LRRC28: variants seen among roughly 807,000 people sequenced by gnomAD.
The protein encoded by LRRC28 is leucine rich repeat containing 28, also known as leucine-rich repeat-containing protein 28.
A neutral mutation model predicts 45.7 loss-of-function variants in LRRC28; 39 were observed. The ratio of observed to expected loss-of-function variants is 0.85; its 90% CI spans 0.66 to 1.12. LRRC28 has a LOEUF of 1.12. LRRC28 is among the 50% of genes most tolerant of loss of function. The probability of loss-of-function intolerance (pLI) is 0.00; values close to 1 mark genes in which losing one functional copy is unlikely to be tolerated. For missense variants in LRRC28, 435 were observed against 438.5 expected (o/e 0.99, Z 0.07); for synonymous variants, 206 against 178.8 (o/e 1.15, Z -1.22).
intron 5 of LRRC28, among the ~76,000 whole-genome samples, chr15:99,297,837 C>A (rs755406524): frequency 2.6e-4 from 40 of 151,928 alleles, no homozygotes; most frequent in Admixed American, 1.2e-3. Context: ...TATTTACAAA[C>A]TTTTACAAGC....
intron 5 of LRRC28, among the ~76,000 whole-genome samples, chr15:99,312,058 A>T (rs1230359878): frequency 6.6e-6 from 1 of 152,194 alleles, no homozygotes; most frequent in African/African-American, 2.4e-5. Context: ...ATAGCTAAAA[A>T]ATTAATAAAG....
intron 5 of LRRC28, among the ~76,000 whole-genome samples, chr15:99,321,227 A>G (rs1955784021): frequency 1.3e-5 from 2 of 152,296 alleles, no homozygotes; most frequent in South Asian, 2.1e-4. Flanking sequence ...GAATGAACAC[A>G]TATCATTGGA....
chr15:99,277,823 T>C lies in LRRC28; in HGVS notation c.209+1207T>C, dbSNP rs191237817. Among the ~76,000 whole-genome samples the C allele has an allele frequency of 1.9e-4, 29 of 152,306 alleles. No individual in the cohort carries two copies. In the East Asian group the frequency reaches 5.0e-3, roughly 26 times the overall value. On this transcript the variant is annotated intron_variant, in intron 3 of 9. Coordinates refer to ENST00000301981, the MANE Select transcript of LRRC28 (RefSeq NM_144598.5). ...TGTATTTCTAGGAACAAAGATGTCT[T>C]TCCATCTTTTTAGTCTACTTTTGCA...
At position 99,282,177 on chromosome 15, in the gene LRRC28, G is replaced by GTTTTTTTTTTTTTTTTTTTTTTTT. The variant is rs766338889; in HGVS notation, c.210-5066_210-5065insTTTTTTTTTTTTTTTTTTTTTTTT. Reference sequence around the variant, plus strand: ...GGATTCCTTATGCAAATTTTTGGAGGTTTTTTTTTTTTTTGTAGCAGTAGC... The same window carrying GTTTTTTTTTTTTTTTTTTTTTTTT: ...GGATTCCTTATGCAAATTTTTGGAGGTTTTTTTTTTTTTTTTTTTTTTTTTTTTTTTTTTTTTTGTAGCAGTAGC... On this transcript the variant is annotated intron_variant, in intron 3 of 9. Transcript: ENST00000301981. 6.1e-3 allele frequency among the ~76,000 whole-genome samples: 599 copies of GTTTTTTTTTTTTTTTTTTTTTTTT among 97,886 alleles called. 72 individuals are homozygous for GTTTTTTTTTTTTTTTTTTTTTTTT. The highest frequency in any genetic ancestry group is 0.015 in the African/African-American group (305 of 20,734). The allele number at this position is 97,886 out of a possible 152,430, so 64.2% of individuals were successfully genotyped here.
chr15:99,386,622 G>C lies in LRRC28; in HGVS notation c.*520G>C, dbSNP rs896146470. 2 of 152,962 alleles carry C rather than the reference G, an allele frequency of 1.3e-5. No homozygotes were observed. Among genetic ancestry groups the C allele is most frequent in the East Asian group, 1.9e-4 (1 of 5,218 alleles). The allele number at this position is 152,962 out of a possible 1,614,324, so 9.5% of individuals were successfully genotyped here. A position where few individuals can be genotyped will look rare whatever the true frequency, so the allele number is the denominator to read the frequency against. On this transcript the variant is annotated 3_prime_UTR_variant, in exon 10 of 10. Transcript: ENST00000301981. ...TTGAGTAGCAGGGTGGGGCGCCTGA[G>C]TTGGCAGCAAAGTGAGGCTCCCATG...
chr15:99,344,469 G>T (rs971714212), intron 6 of LRRC28, among the ~76,000 whole-genome samples: 1 of 152,132 alleles, frequency 6.6e-6, no homozygotes, highest in African/African-American at 2.4e-5. Context: ...CATTATGCTG[G>T]CTAATGTATA....
intron 5 of LRRC28, among the ~76,000 whole-genome samples, chr15:99,330,797 C>A (rs1956136540): frequency 6.6e-6 from 1 of 151,786 alleles, no homozygotes; most frequent in Non-Finnish European, 1.5e-5. Flanking sequence ...TTCCCCATAC[C>A]TCTCCTTTTA....
chr15:99,352,505 AGATT>A (rs767474110), intron 7 of LRRC28, 34 bp downstream of exon 7: 24 of 1,520,498 alleles, frequency 1.6e-5, no homozygotes, highest in Non-Finnish European at 2.1e-5. Flanking sequence ...ACTAAAAAAT[AGATT>A]AACTACTTTT....
rs186859663 is a variant in LRRC28 at position 99,389,281 on chromosome 15, C to A, written c.*3179C>A. 3 of 152,268 alleles carry A rather than the reference C, an allele frequency of 2.0e-5. No homozygotes were observed. The highest frequency in any genetic ancestry group is 7.2e-5 in the African/African-American group (3 of 41,562). 9.4% of individuals were successfully genotyped at this position (152,268 alleles called of 1,614,324 possible). ...TACGTTGAGCATTACGAATTAAAATCTTTACAGTCTAGGGGGAAAAAAAGG... is the reference window on the plus strand; with the variant it reads ...TACGTTGAGCATTACGAATTAAAATATTTACAGTCTAGGGGGAAAAAAAGG... On this transcript the variant is annotated 3_prime_UTR_variant, in exon 10 of 10. Coordinates refer to ENST00000301981, the MANE Select transcript of LRRC28 (RefSeq NM_144598.5).
intron 3 of LRRC28, among the ~76,000 whole-genome samples, chr15:99,282,787 A>C (rs1028176916): frequency 3.9e-5 from 6 of 152,238 alleles, no homozygotes; most frequent in Non-Finnish European, 8.8e-5. Context: ...GTGGCATGTG[A>C]CTGTATTTCA....
rs72758829 is a variant in LRRC28 at position 99,336,323 on chromosome 15, A to G, written c.592+2194A>G. 5.1e-3 allele frequency among the ~76,000 whole-genome samples: 781 copies of G among 152,360 alleles called. 5 individuals are homozygous for G. Among genetic ancestry groups the G allele is most frequent in the Non-Finnish European group, 7.1e-3 (482 of 68,018 alleles). On this transcript the variant is annotated intron_variant, in intron 6 of 9. Transcript: ENST00000301981. ...GCTCACAGAAGTTAAGTTACCTGCCAGAGTCACAGCTAGTAAGAGACAGAA... is the reference window on the plus strand; with the variant it reads ...GCTCACAGAAGTTAAGTTACCTGCCGGAGTCACAGCTAGTAAGAGACAGAA...
chr15:99,264,722 T>C (rs1344795305), intron 2 of LRRC28, among the ~76,000 whole-genome samples: 1 of 152,146 alleles, frequency 6.6e-6, no homozygotes, highest in Non-Finnish European at 1.5e-5. Context: ...TTTTCTTCTA[T>C]TCTTCCCTTT....
intron 9 of LRRC28, among the ~76,000 whole-genome samples, chr15:99,367,156 C>G (rs770991972): frequency 3.9e-5 from 6 of 152,206 alleles, no homozygotes; most frequent in Non-Finnish European, 8.8e-5. Flanking sequence ...AGATTGTCAC[C>G]TGTACTTCTG....
chr15:99,311,027 G>A (rs1028699468), intron 5 of LRRC28, among the ~76,000 whole-genome samples: 5 of 152,154 alleles, frequency 3.3e-5, no homozygotes, highest in African/African-American at 1.2e-4. Flanking sequence ...TGTGGGTCAT[G>A]GTGGGGAACC....
chr15:99,294,990 A>T (rs2082226354), intron 5 of LRRC28, among the ~76,000 whole-genome samples: 1 of 152,246 alleles, frequency 6.6e-6, no homozygotes, highest in Non-Finnish European at 1.5e-5. Context: ...TTCAGGTCCA[A>T]CATGGGGCTC....
intron 5 of LRRC28, among the ~76,000 whole-genome samples, chr15:99,315,410 G>A (rs1034899302): frequency 2.6e-5 from 4 of 151,902 alleles, no homozygotes; most frequent in African/African-American, 9.7e-5. Flanking sequence ...CTTATTATAG[G>A]CTTAAAATGA....
intron 2 of LRRC28, chr15:99,258,088 A>G: frequency 6.5e-7 from 1 of 1,539,838 alleles, no homozygotes; most frequent in Non-Finnish European, 9.0e-7. Flanking sequence ...GAATGACCAG[A>G]GAAGAGTTGG....
At chr15:99,331,428 C>T (rs1490631441) in intron 5 of LRRC28, among the ~76,000 whole-genome samples, 1 of 152,114 alleles carries the variant, frequency 6.6e-6, no homozygotes, top group Non-Finnish European at 1.5e-5. Flanking sequence ...TCAAACCTAC[C>T]TCATGCTTCT....
intron 5 of LRRC28, among the ~76,000 whole-genome samples, chr15:99,299,869 G>T (rs1228050159): frequency 6.6e-6 from 1 of 152,134 alleles, no homozygotes; most frequent in Admixed American, 6.5e-5. Flanking sequence ...AAAACATTAA[G>T]TCAAAACTGG....
Sources: gnomAD v4.1 joint callset for allele counts (sites outside exome capture counted in the v4.1 genomes callset) on GRCh38, gnomAD v4.1.1 for gene constraint, MANE v1.5 for transcripts, NCBI Gene and HGNC (gene_info 2026-07-23, HGNC 2026-07-21) for gene names.